Variants in GNB1 observed in about 807,000 individuals in gnomAD.
The protein encoded by GNB1 is guanine nucleotide-binding protein G(I)/G(S)/G(T) subunit beta-1.
Under a neutral mutation model 42.9 loss-of-function variants are expected in GNB1, and 2 were observed. That is an observed-to-expected ratio of 0.05 (90% CI 0.02 to 0.15). GNB1 has a LOEUF of 0.15. Ranked by LOEUF, GNB1 falls within the 10% of genes least tolerant of loss-of-function variation. GNB1 has a pLI of 1.00. For missense variants in GNB1, 193 were observed against 462.2 expected, an observed-to-expected ratio of 0.42 and a Z score of 5.34; for synonymous variants, 183 against 174.7, an observed-to-expected ratio of 1.05 and a Z score of -0.38.
chr1:1,865,646 A>C (rs1553204488), intron 1 of GNB1, among the ~76,000 whole-genome samples: 1 of 152,246 alleles, frequency 6.6e-6, no homozygotes, highest in Non-Finnish European at 1.5e-5. Context: ...AAAAATATCC[A>C]GTGACAGGAT....
intron 1 of GNB1, among the ~76,000 whole-genome samples, chr1:1,874,939 G>A (rs1015766049): frequency 6.6e-6 from 1 of 152,196 alleles, no homozygotes; most frequent in Non-Finnish European, 1.5e-5. Context: ...ATGGTTTTGG[G>A]ATGAAACTGT....
At chr1:1,881,842 T>C (rs1184300629) in intron 1 of GNB1, among the ~76,000 whole-genome samples, 1 of 152,152 alleles carries the variant, frequency 6.6e-6, no homozygotes, top group African/African-American at 2.4e-5. Context: ...TGGCACACAG[T>C]ATTGTGCGGG....
rs767854140 is a variant in GNB1, at chr1:1,818,556, A to T, written c.58-681T>A. Among the ~76,000 whole-genome samples, 108 of 152,246 alleles carry T rather than the reference A, an allele frequency of 7.1e-4. 1 individual carries two copies. The highest frequency in any genetic ancestry group is 6.8e-3 in the Middle Eastern group (2 of 294). ...GTGAGACCTTGTCTCTACTAAAAAT[A>T]AAAATTAAAAATTTAAGGAAAATAG... On this transcript the variant is annotated intron_variant, in intron 3 of 11. Transcript: ENST00000378609.
chr1:1,880,401 C>T (rs1344276142), intron 1 of GNB1, among the ~76,000 whole-genome samples: 1 of 151,654 alleles, frequency 6.6e-6, no homozygotes, highest in African/African-American at 2.4e-5. Flanking sequence ...GAGATCGAGA[C>T]CACGGTGAAA....
intron 1 of GNB1, among the ~76,000 whole-genome samples, chr1:1,883,721 G>C (rs1384685874): frequency 1.3e-5 from 2 of 152,204 alleles, no homozygotes; most frequent in Admixed American, 1.3e-4. Flanking sequence ...CTCCTGTGGA[G>C]TGGAAGGGTA....
At chr1:1,839,375 C>T (rs1325315321) in intron 1 of GNB1, 137 bp from the exon 2 acceptor site, 1 of 152,110 alleles carries the variant, frequency 6.6e-6, no homozygotes, top group African/African-American at 2.4e-5. Flanking sequence ...CCCAAAATTG[C>T]TTTATTTAGC....
chr1:1,802,080 G>A (rs1442244913), intron 7 of GNB1, among the ~76,000 whole-genome samples: 1 of 152,196 alleles, frequency 6.6e-6, no homozygotes, highest in Non-Finnish European at 1.5e-5. Context: ...AGCACAGATT[G>A]ACAGAATTAA....
intron 1 of GNB1, among the ~76,000 whole-genome samples, chr1:1,861,211 T>C (rs1332401260): frequency 6.6e-6 from 1 of 151,676 alleles, no homozygotes; most frequent in African/African-American, 2.4e-5. Context: ...AATCCCAATA[T>C]TGTGGGAGGC....
chr1:1,878,658 G>A (rs1649679273), intron 1 of GNB1, among the ~76,000 whole-genome samples: 1 of 152,112 alleles, frequency 6.6e-6, no homozygotes, highest in Non-Finnish European at 1.5e-5. Context: ...AGGCAAGTTG[G>A]CATCTCTTAT....
chr1:1,881,011 G>C (rs528660589), intron 1 of GNB1, among the ~76,000 whole-genome samples: 1 of 152,260 alleles, frequency 6.6e-6, no homozygotes, highest in South Asian at 2.1e-4. Flanking sequence ...TGAACGGAGA[G>C]AGGGAGTGAA....
chr1:1,800,798 C>T (rs573046534), intron 7 of GNB1, among the ~76,000 whole-genome samples: 3 of 146,902 alleles, frequency 2.0e-5, no homozygotes, highest in Admixed American at 2.0e-4. Context: ...AAAGAGTCAA[C>T]CCATAATTCT....
intron 1 of GNB1, among the ~76,000 whole-genome samples, chr1:1,877,786 T>TA (rs1447732700): frequency 5.3e-5 from 8 of 152,078 alleles, no homozygotes; most frequent in African/African-American, 1.9e-4. Flanking sequence ...TTGGGGAGTT[T>TA]AAAGAGAGAA....
chr1:1,882,658 C>T (rs1649916927), intron 1 of GNB1, among the ~76,000 whole-genome samples: 1 of 152,036 alleles, frequency 6.6e-6, no homozygotes, highest in South Asian at 2.1e-4. Flanking sequence ...CGTGGTGGCT[C>T]ACGCCTGTAA....
intron 3 of GNB1, 82 bp from the exon 4 acceptor site, chr1:1,817,957 G>C (rs1646879295): frequency 5.5e-6 from 6 of 1,098,856 alleles, no homozygotes; most frequent in Middle Eastern, 2.0e-4. Context: ...GTTTCAAAGA[G>C]AGCTTTCCTA....
intron 1 of GNB1, among the ~76,000 whole-genome samples, chr1:1,849,483 T>C (rs1211452416): frequency 2.6e-5 from 4 of 152,160 alleles, no homozygotes; most frequent in Non-Finnish European, 4.4e-5. Context: ...CTTGGCTCAC[T>C]GCAGCCTCAA....
Position 1,856,799 on chromosome 1 carries a change from T to C in GNB1, c.-95-17561A>G, listed in dbSNP as rs372295460. Among the ~76,000 whole-genome samples, 6 of 152,230 alleles carry C rather than the reference T, an allele frequency of 3.9e-5. No individual in the cohort carries two copies. In the South Asian group the frequency reaches 1.0e-3, roughly 26 times the overall value. On this transcript the variant is annotated intron_variant, in intron 1 of 11. Transcript: ENST00000378609. ...TAGCAATTAACAGTTTGGTGATATGTTGGGACAACCAAGAATGTAATTTCT... is the reference window on the plus strand; with the variant it reads ...TAGCAATTAACAGTTTGGTGATATGCTGGGACAACCAAGAATGTAATTTCT...
At chr1:1,826,320 G>A (rs1048761763) in intron 2 of GNB1, among the ~76,000 whole-genome samples, 5 of 152,192 alleles carry the variant, frequency 3.3e-5, no homozygotes, top group African/African-American at 9.7e-5. Context: ...GGGAGGCTGA[G>A]GTAGAAGAAT....
At chr1:1,814,297 G>T (rs1165676086) in intron 5 of GNB1, among the ~76,000 whole-genome samples, 1 of 152,130 alleles carries the variant, frequency 6.6e-6, no homozygotes, top group Non-Finnish European at 1.5e-5. Flanking sequence ...GGAATACAAA[G>T]AAATACTACT....
In GNB1 at chr1:1,865,539, T is replaced by C. The variant is rs538016678; in HGVS notation, c.-96+25281A>G. 3.5e-4 allele frequency among the ~76,000 whole-genome samples: 54 copies of C among 152,258 alleles called. 1 individual carries two copies. In the South Asian group the frequency reaches 7.0e-3, roughly 20 times the overall value. On this transcript the variant is annotated intron_variant, in intron 1 of 11. Transcript: ENST00000378609. ...AAGCAGAGGTCGCAGTGAGCCAAGA[T>C]TGTGCCACCGCACTCCAACCTGGGC...
Sources: allele counts gnomAD v4.1 joint callset (sites outside exome capture counted in the v4.1 genomes callset), GRCh38; gene constraint gnomAD v4.1.1; transcripts MANE v1.5; gene names NCBI Gene and HGNC (gene_info 2026-07-23, HGNC 2026-07-21).